MCUB: variants seen among roughly 807,000 people sequenced by gnomAD.
MCUB encodes mitochondrial calcium uniporter dominant negative subunit beta.
MCUB carries 46 observed loss-of-function variants against 41.4 expected under a neutral mutation model. The observed-to-expected ratio is 1.11, with a 90% CI of 0.88 to 1.42. The LOEUF is 1.42. Ranked by LOEUF, MCUB falls within the 40% of genes most tolerant of loss-of-function variation. The pLI is 0.00. For missense variants in MCUB, 403 were observed against 404.9 expected, an observed-to-expected ratio of 1.00 and a Z score of 0.04; for synonymous variants, 148 against 148.2, an observed-to-expected ratio of 1.00 and a Z score of 0.01.
intron 1 of MCUB, among the ~76,000 whole-genome samples, chr4:109,645,513 GAA>G (rs4035594): frequency 0.29 from 40,805 of 142,936 alleles, 5,744 homozygotes; most frequent in African/African-American, 0.34. Flanking sequence ...CATTAAAAAA[GAA>G]AAAAAAAAAA....
At chr4:109,684,219 T>C (rs551194605) in intron 5 of MCUB, among the ~76,000 whole-genome samples, 16 of 152,040 alleles carry the variant, frequency 1.1e-4, no homozygotes, top group African/African-American at 2.7e-4. Flanking sequence ...CCTGCCACCA[T>C]GCCCGGCTAA....
intron 1 of MCUB, among the ~76,000 whole-genome samples, chr4:109,588,832 G>C (rs1268720085): frequency 6.6e-6 from 1 of 152,124 alleles, no homozygotes; most frequent in Non-Finnish European, 1.5e-5. Flanking sequence ...TTTGTTTTCA[G>C]TTCTAGTAAA....
intron 1 of MCUB, among the ~76,000 whole-genome samples, chr4:109,589,649 A>C (rs575491608): frequency 5.9e-5 from 9 of 152,272 alleles, no homozygotes; most frequent in East Asian, 1.9e-4. Context: ...TTAAGCTTTA[A>C]TGGCAGCTTA....
At chr4:109,582,869 G>C (rs746925534) in intron 1 of MCUB, among the ~76,000 whole-genome samples, 9 of 152,164 alleles carry the variant, frequency 5.9e-5, no homozygotes, top group Non-Finnish European at 1.2e-4. Context: ...TCAAAGATCA[G>C]ATGGTTGTTG....
intron 1 of MCUB, among the ~76,000 whole-genome samples, chr4:109,609,879 C>T (rs931559768): frequency 6.6e-5 from 10 of 152,146 alleles, no homozygotes; most frequent in Admixed American, 2.0e-4. Flanking sequence ...TCCCCGAGGG[C>T]GAAGCAGGTC....
intron 4 of MCUB, among the ~76,000 whole-genome samples, chr4:109,675,284 C>G (rs1729547783): frequency 6.6e-6 from 1 of 152,216 alleles, no homozygotes; most frequent in Non-Finnish European, 1.5e-5. Flanking sequence ...TGCCACTTGA[C>G]AAAGACTCTC....
Position 109,560,364 on chromosome 4 carries a change from G to A in MCUB, c.27G>A (p.Trp9Ter). 7.6e-7 allele frequency: 1 copy of A among 1,322,694 alleles called. No individual in the cohort carries two copies. The highest frequency in any genetic ancestry group is 9.6e-7 in the Non-Finnish European group (1 of 1,036,992). 81.9% of individuals were successfully genotyped at this position (1,322,694 alleles called of 1,614,324 possible). The change falls in exon 1 of 8, where the codon TGG becomes TGA. Residue 9 changes from tryptophan to a stop codon, truncating the protein, a stop_gained. Transcript: ENST00000394650. LOFTEE classifies it high-confidence loss of function. ...TGCTCCAGAGGGGCCTCTGGCCGTG[G>A]CGCACGCGGCTGCTGCCGACCCCTG... MLQRGLWP[W>*]RTRLLPTPGT...
intron 1 of MCUB, among the ~76,000 whole-genome samples, chr4:109,561,673 CAA>C (rs891097573): frequency 7.2e-5 from 11 of 152,160 alleles, no homozygotes; most frequent in African/African-American, 2.7e-4. Flanking sequence ...ATTGTGTAGT[CAA>C]AGAGATACCA....
chr4:109,580,658 G>T (rs1215616389), intron 1 of MCUB, among the ~76,000 whole-genome samples: 6 of 152,094 alleles, frequency 3.9e-5, no homozygotes, highest in South Asian at 4.1e-4. Context: ...TCATGTGTCT[G>T]TTGGCTGCAT....
chr4:109,630,786 G>T (rs1728458599), intron 1 of MCUB, among the ~76,000 whole-genome samples: 1 of 152,088 alleles, frequency 6.6e-6, no homozygotes, highest in Non-Finnish European at 1.5e-5. Context: ...TCTCCGTGTT[G>T]GTCAGGCTGG....
chr4:109,614,084 C>G (rs548718023), intron 1 of MCUB, among the ~76,000 whole-genome samples: 1 of 152,180 alleles, frequency 6.6e-6, no homozygotes, highest in African/African-American at 2.4e-5. Flanking sequence ...TTGAAAGTTG[C>G]ATGCAACAGT....
At chr4:109,610,801 T>C (rs912948348) in intron 1 of MCUB, among the ~76,000 whole-genome samples, 2 of 152,198 alleles carry the variant, frequency 1.3e-5, no homozygotes, top group African/African-American at 4.8e-5. Context: ...ACCTATACAG[T>C]ATCTTACTAT....
At chr4:109,595,660 TAGAG>T (rs1412437108) in intron 1 of MCUB, among the ~76,000 whole-genome samples, 1 of 152,294 alleles carries the variant, frequency 6.6e-6, no homozygotes, top group African/African-American at 2.4e-5. Context: ...TTGGACAGCA[TAGAG>T]AGAGATTTCC....
intron 5 of MCUB, among the ~76,000 whole-genome samples, chr4:109,684,035 G>A (rs559722038): frequency 2.5e-4 from 38 of 151,634 alleles, no homozygotes; most frequent in African/African-American, 8.9e-4. Flanking sequence ...AAGTAATGCA[G>A]ATGTGCATTT....
intron 1 of MCUB, among the ~76,000 whole-genome samples, chr4:109,586,978 C>G (rs1387949539): frequency 6.6e-6 from 1 of 152,220 alleles, no homozygotes; most frequent in South Asian, 2.1e-4. Context: ...GGGAGAACTA[C>G]TGCTCTCTTC....
chr4:109,627,917 G>GAAA (rs35135859), intron 1 of MCUB, among the ~76,000 whole-genome samples: 1 of 135,442 alleles, frequency 7.4e-6, no homozygotes. Context: ...TGTCTCAGAA[G>GAAA]AAAAAAAAAA....
rs186548226 is a variant in MCUB at position 109,628,021 on chromosome 4, A to G, written c.100-30990A>G. Among the ~76,000 whole-genome samples, 382 of 152,294 alleles carry G rather than the reference A, an allele frequency of 2.5e-3. 2 individuals are homozygous for G. Among genetic ancestry groups the G allele is most frequent in the African/African-American group, 6.8e-3 (283 of 41,552 alleles). ...ATAAGTCATTTGTTTTCAGATTGAAATAAGAATTAGGAAGATGTTAGAACA... is the reference window on the plus strand; with the variant it reads ...ATAAGTCATTTGTTTTCAGATTGAAGTAAGAATTAGGAAGATGTTAGAACA... On this transcript the variant is annotated intron_variant, in intron 1 of 7. Transcript: ENST00000394650.
chr4:109,598,004 G>A (rs1346902654), intron 1 of MCUB, among the ~76,000 whole-genome samples: 5 of 151,040 alleles, frequency 3.3e-5, no homozygotes, highest in Non-Finnish European at 5.9e-5. Flanking sequence ...ATGGGCGGCC[G>A]GGCAGAGACG....
chr4:109,639,236 G>A (rs527583582), intron 1 of MCUB, among the ~76,000 whole-genome samples: 2 of 152,268 alleles, frequency 1.3e-5, no homozygotes, highest in African/African-American at 4.8e-5. Flanking sequence ...CTTGATCCAT[G>A]GGCTTCAAAA....
Sources: gnomAD v4.1 joint callset for allele counts (sites outside exome capture counted in the v4.1 genomes callset) on GRCh38, gnomAD v4.1.1 for gene constraint, MANE v1.5 for transcripts, NCBI Gene and HGNC (gene_info 2026-07-23, HGNC 2026-07-21) for gene names.